The following PRKX variants were observed in gnomAD, a reference collection of about 807,000 sequenced individuals.
The protein encoded by PRKX is cAMP-dependent protein kinase catalytic subunit PRKX.
A neutral mutation model predicts 22.0 loss-of-function variants in PRKX; 12 were observed. The observed-to-expected ratio is 0.54, with a 90% CI of 0.35 to 0.88. The LOEUF is 0.88. Ranked by LOEUF, PRKX falls within the 40% of genes least tolerant of loss-of-function variation. PRKX has a pLI of 0.01. For synonymous variants in PRKX, 134 were observed against 137.7 expected, an observed-to-expected ratio of 0.97 and a Z score of 0.19; for missense variants, 217 against 308.0, an observed-to-expected ratio of 0.70 and a Z score of 2.21.
chrX:3,665,765 G>A (rs1295840364), intron 2 of PRKX, among the ~76,000 whole-genome samples: 3 of 110,913 alleles, frequency 2.7e-5, no homozygotes, highest in East Asian at 5.7e-4. Flanking sequence ...GACAAATGCC[G>A]TATGATTCTG....
At chrX:3,690,507 G>A (rs997888138) in intron 1 of PRKX, among the ~76,000 whole-genome samples, 4 of 112,216 alleles carry the variant, frequency 3.6e-5, no homozygotes, top group African/African-American at 1.3e-4. Flanking sequence ...CAAGGTGGGC[G>A]GATCACTTGA....
intron 3 of PRKX, among the ~76,000 whole-genome samples, chrX:3,651,638 C>A (rs1210483642): frequency 9.0e-6 from 1 of 111,409 alleles, no homozygotes; most frequent in Non-Finnish European, 1.9e-5. Flanking sequence ...CTAAAAGCTG[C>A]CAGAGAAGAG....
intron 3 of PRKX, among the ~76,000 whole-genome samples, chrX:3,647,442 A>T (rs1927211973): frequency 1.9e-5 from 2 of 105,785 alleles, no homozygotes; most frequent in Admixed American, 2.1e-4. Context: ...TAAAAATTAC[A>T]TATTTAATAT....
At chrX:3,703,488 A>G (rs1928619240) in intron 1 of PRKX, among the ~76,000 whole-genome samples, 1 of 110,477 alleles carries the variant, frequency 9.1e-6, no homozygotes, top group Non-Finnish European at 1.9e-5. Flanking sequence ...GGAAGCCATC[A>G]GTGCTGGAGG....
chrX:3,625,435 G>T (rs752377149), intron 5 of PRKX, among the ~76,000 whole-genome samples: 1 of 112,423 alleles, frequency 8.9e-6, no homozygotes, highest in East Asian at 2.8e-4. Flanking sequence ...GATGCATTTA[G>T]CTCTAGTTTG....
intron 1 of PRKX, among the ~76,000 whole-genome samples, chrX:3,688,450 G>C (rs1052248906): frequency 1.0e-5 from 1 of 95,533 alleles, no homozygotes; most frequent in African/African-American, 3.7e-5. Flanking sequence ...TGTCTCCAAA[G>C]AAAAAAAAAA....
intron 2 of PRKX, among the ~76,000 whole-genome samples, chrX:3,666,016 T>C (rs1603474323): frequency 2.3e-5 from 1 of 44,017 alleles, no homozygotes; most frequent in South Asian, 9.1e-4. Flanking sequence ...TTGTTTTCTG[T>C]TTTTTTTTTT....
chrX:3,698,165 G>A lies in PRKX; in HGVS notation c.166+14923C>T, dbSNP rs750844698. 2.2e-4 allele frequency among the ~76,000 whole-genome samples: 24 copies of A among 111,585 alleles called. No individual in the cohort carries two copies. In the South Asian group the frequency reaches 5.3e-3, roughly 25 times the overall value. ...TAGAGTGTTTTCAGCAGCCTTAAGC[G>A]TTGTCATGAAATCAGCCAAAAACCT... On this transcript the variant is annotated intron_variant, in intron 1 of 8. Transcript: ENST00000262848.
intron 1 of PRKX, among the ~76,000 whole-genome samples, chrX:3,680,667 GAA>G (rs1928053900): frequency 8.9e-6 from 1 of 112,083 alleles, no homozygotes; most frequent in South Asian, 3.7e-4. Flanking sequence ...CAACTCAGCA[GAA>G]CTAAAATATT....
intron 5 of PRKX, among the ~76,000 whole-genome samples, chrX:3,625,080 T>C (rs1926634022): frequency 8.9e-6 from 1 of 111,906 alleles, no homozygotes; most frequent in African/African-American, 3.3e-5. Flanking sequence ...GACACCTCCC[T>C]GTCTTACCAT....
intron 3 of PRKX, among the ~76,000 whole-genome samples, chrX:3,644,740 G>C (rs751268799): frequency 1.8e-5 from 2 of 111,805 alleles, no homozygotes; most frequent in Non-Finnish European, 3.8e-5. Flanking sequence ...CAAGACGAGC[G>C]ACTTACTGGC....
chrX:3,645,380 C>T (rs1346669295), intron 3 of PRKX, among the ~76,000 whole-genome samples: 1 of 111,470 alleles, frequency 9.0e-6, no homozygotes, highest in African/African-American at 3.3e-5. Flanking sequence ...CCACGCCTTC[C>T]GCCACACCTG....
intron 1 of PRKX, among the ~76,000 whole-genome samples, chrX:3,684,402 T>C (rs1332553011): frequency 9.0e-6 from 1 of 111,435 alleles, no homozygotes. Flanking sequence ...TATTCTGAGG[T>C]GCATAAAGAT....
At chrX:3,615,915 C>T (rs753531997) in intron 6 of PRKX, 23 bp from the exon 7 acceptor site, 8 of 1,178,226 alleles carry the variant, frequency 6.8e-6, no homozygotes, top group Admixed American at 6.6e-5. Context: ...CAACACATGT[C>T]GTCAGTGTAC....
chrX:3,706,849 A>G (rs1238484342), intron 1 of PRKX, among the ~76,000 whole-genome samples: 5 of 112,000 alleles, frequency 4.5e-5, no homozygotes, highest in Non-Finnish European at 9.4e-5. Flanking sequence ...TAAGGCTACA[A>G]GCATGGTGGA....
At chrX:3,627,919 G>A (rs754258830) in intron 4 of PRKX, among the ~76,000 whole-genome samples, 2 of 111,495 alleles carry the variant, frequency 1.8e-5, no homozygotes, top group African/African-American at 6.5e-5. Context: ...AGGAAGTCAT[G>A]ATACTGGAGA....
chrX:3,657,856 G>A (rs1467896035), intron 2 of PRKX, among the ~76,000 whole-genome samples: 3 of 111,991 alleles, frequency 2.7e-5, no homozygotes, highest in Admixed American at 1.9e-4. Flanking sequence ...ACTGAGGTGC[G>A]TCTGTGCATT....
At position 3,607,267 on chromosome X, in the gene PRKX, G is replaced by C. The variant is rs1926195526; in HGVS notation, c.*1702C>G. 1 of 111,728 alleles carries C rather than the reference G, an allele frequency of 9.0e-6. No individual in the cohort carries two copies. Among genetic ancestry groups the C allele is most frequent in the Admixed American group, 9.5e-5 (1 of 10,494 alleles). The allele number at this position is 111,728 out of a possible 1,213,427, so 9.2% of individuals were successfully genotyped here. Reference sequence around the variant, plus strand: ...TGTAACCTTTTCTTAAAAAAATATGGAATGCTGCATGAATCTGCAGATCTT... The same window carrying C: ...TGTAACCTTTTCTTAAAAAAATATGCAATGCTGCATGAATCTGCAGATCTT... On this transcript the variant is annotated 3_prime_UTR_variant, in exon 9 of 9. Coordinates refer to ENST00000262848, the MANE Select transcript of PRKX (RefSeq NM_005044.5).
intron 5 of PRKX, among the ~76,000 whole-genome samples, chrX:3,623,507 G>T (rs1340247829): frequency 4.5e-5 from 5 of 111,200 alleles, no homozygotes. Flanking sequence ...AGTGAGCTAT[G>T]ATTGTGCCAC....
Sources: gnomAD v4.1 joint callset for allele counts (sites outside exome capture counted in the v4.1 genomes callset) on GRCh38, gnomAD v4.1.1 for gene constraint, MANE v1.5 for transcripts, NCBI Gene and HGNC (gene_info 2026-07-23, HGNC 2026-07-21) for gene names.